DHRSX: variants seen among roughly 807,000 people sequenced by gnomAD.
The protein encoded by DHRSX is dehydrogenase/reductase X-linked.
DHRSX carries 31 observed loss-of-function variants against 34.0 expected under a neutral mutation model. The ratio of observed to expected loss-of-function variants is 0.91; its 90% CI spans 0.69 to 1.23. The LOEUF is 1.23. Ranked by LOEUF, DHRSX falls within the 50% of genes most tolerant of loss-of-function variation. The pLI is 0.00. For synonymous variants in DHRSX, 201 were observed against 183.8 expected (o/e 1.09, Z -0.76); for missense variants, 414 against 428.1 (o/e 0.97, Z 0.29).
chrX:2,236,099 G>C (rs1477536539), intron 6 of DHRSX, among the ~76,000 whole-genome samples: 1 of 151,674 alleles, frequency 6.6e-6, no homozygotes, highest in Non-Finnish European at 1.5e-5. Flanking sequence ...GTGACAGGGT[G>C]AGACTCCGTC....
intron 3 of DHRSX, among the ~76,000 whole-genome samples, chrX:2,319,715 G>A (rs994730022): frequency 1.5e-4 from 22 of 151,572 alleles, no homozygotes; most frequent in African/African-American, 5.1e-4. Flanking sequence ...TAAAGCTTCC[G>A]GTCAAGAGTA....
At chrX:2,373,695 G>A (rs779341108) in intron 3 of DHRSX, among the ~76,000 whole-genome samples, 62 of 152,292 alleles carry the variant, frequency 4.1e-4, no homozygotes, top group African/African-American at 1.5e-3. Flanking sequence ...AGCTGCCAAC[G>A]TGTGATACTT....
intron 3 of DHRSX, among the ~76,000 whole-genome samples, chrX:2,345,621 C>A (rs921149719): frequency 6.7e-6 from 1 of 148,576 alleles, no homozygotes; most frequent in Non-Finnish European, 1.5e-5. Context: ...TCGCATCGTA[C>A]CCCAGCCTGG....
At chrX:2,421,978 G>A (rs1263628873) in intron 2 of DHRSX, among the ~76,000 whole-genome samples, 1 of 152,148 alleles carries the variant, frequency 6.6e-6, no homozygotes, top group Non-Finnish European at 1.5e-5. Context: ...GATGTCCAGA[G>A]GTTCAAGGCC....
chrX:2,306,354 T>C (rs935959768), intron 3 of DHRSX, among the ~76,000 whole-genome samples: 1 of 152,006 alleles, frequency 6.6e-6, no homozygotes, highest in Non-Finnish European at 1.5e-5. Context: ...GAAGGCAGAA[T>C]GCTCACTGGG....
At chrX:2,354,452 C>A (rs868511244) in intron 3 of DHRSX, among the ~76,000 whole-genome samples, 40 of 152,232 alleles carry the variant, frequency 2.6e-4, no homozygotes, top group Non-Finnish European at 1.3e-4. Flanking sequence ...CCACTCCCTG[C>A]CCATCCATCT....
chrX:2,362,845 T>C (rs1324800834), intron 3 of DHRSX, among the ~76,000 whole-genome samples: 1 of 137,530 alleles, frequency 7.3e-6, no homozygotes, highest in African/African-American at 2.8e-5. Flanking sequence ...CACCGTTCTA[T>C]GGTATCATGC....
chrX:2,449,142 TCG>T (rs2044181730), intron 1 of DHRSX, among the ~76,000 whole-genome samples: 1 of 150,810 alleles, frequency 6.6e-6, no homozygotes, highest in Non-Finnish European at 1.5e-5. Context: ...TGAGCTAAGA[TCG>T]CACCACTGCA....
chrX:2,289,102 TATC>T (rs1026422118), intron 4 of DHRSX, among the ~76,000 whole-genome samples: 1 of 152,074 alleles, frequency 6.6e-6, no homozygotes, highest in Admixed American at 6.6e-5. Flanking sequence ...TGGAGAAACA[TATC>T]ATATCTGACA....
chrX:2,485,869 A>AG (rs1312144890), intron 1 of DHRSX, among the ~76,000 whole-genome samples: 1 of 139,648 alleles, frequency 7.2e-6, no homozygotes, highest in African/African-American at 2.7e-5. Context: ...AAGGGAAGGG[A>AG]GGGAAGGAAG....
chrX:2,377,696 T>C (rs116352089), intron 3 of DHRSX, among the ~76,000 whole-genome samples: 9,185 of 151,404 alleles, frequency 0.061, 638 homozygotes, highest in African/African-American at 0.17. Flanking sequence ...CCTGCCTTAA[T>C]ACTCCAGAAT....
At chrX:2,382,774 CCATCACCAT>C (rs1163080175) in intron 3 of DHRSX, among the ~76,000 whole-genome samples, 5 of 127,756 alleles carry the variant, frequency 3.9e-5, no homozygotes, top group African/African-American at 1.7e-4. Context: ...ATCATCATCA[CCATCACCAT>C]CATCACCATC....
At chrX:2,270,914 T>TCTGTAAAATGGACCAATCAGCACG (rs2041543483) in intron 4 of DHRSX, among the ~76,000 whole-genome samples, 1 of 148,920 alleles carries the variant, frequency 6.7e-6, no homozygotes, top group Non-Finnish European at 1.5e-5. Flanking sequence ...CAATCAGCAC[T>TCTGTAAAATGGACCAATCAGCACG]CTGTAAAATG....
intron 3 of DHRSX, among the ~76,000 whole-genome samples, chrX:2,384,075 AAGGGATAGGTGTG>A (rs1490802613): frequency 1.3e-5 from 2 of 152,314 alleles, no homozygotes; most frequent in African/African-American, 4.8e-5. Context: ...TGAAGCAGGT[AAGGGATAGGTGTG>A]ACCTGCTGTA....
At chrX:2,225,655 C>G (rs1165575372) in intron 6 of DHRSX, among the ~76,000 whole-genome samples, 1 of 140,332 alleles carries the variant, frequency 7.1e-6, no homozygotes, top group Non-Finnish European at 1.5e-5. Flanking sequence ...TATTCTGTGA[C>G]AGCAGCCAGA....
At chrX:2,498,305 A>G (rs1313040941) in intron 1 of DHRSX, among the ~76,000 whole-genome samples, 2 of 152,240 alleles carry the variant, frequency 1.3e-5, no homozygotes, top group Non-Finnish European at 2.9e-5. Flanking sequence ...CAAACAGCTT[A>G]GCTCAAATGC....
At chrX:2,453,368 TAA>T (rs34499655) in intron 1 of DHRSX, among the ~76,000 whole-genome samples, 2 of 138,768 alleles carry the variant, frequency 1.4e-5, no homozygotes, top group Non-Finnish European at 3.2e-5. Flanking sequence ...ACCCCATCTC[TAA>T]AAAAAAAAAA....
intron 3 of DHRSX, among the ~76,000 whole-genome samples, chrX:2,356,273 G>A (rs2042850668): frequency 6.6e-6 from 1 of 152,086 alleles, no homozygotes; most frequent in Non-Finnish European, 1.5e-5. Context: ...TACTCACGAG[G>A]CTGAGGCAGG....
intron 1 of DHRSX, among the ~76,000 whole-genome samples, chrX:2,461,189 C>A (rs1422514928): frequency 6.6e-6 from 1 of 152,206 alleles, no homozygotes; most frequent in Non-Finnish European, 1.5e-5. Context: ...AGTAAACTGG[C>A]TATTTGATAC....
Sources: allele counts gnomAD v4.1 joint callset (sites outside exome capture counted in the v4.1 genomes callset), GRCh38; gene constraint gnomAD v4.1.1; transcripts MANE v1.5; gene names NCBI Gene and HGNC (gene_info 2026-07-23, HGNC 2026-07-21).